Variants in ANKRD28 observed in about 807,000 individuals in gnomAD.
ANKRD28 encodes the protein serine/threonine-protein phosphatase 6 regulatory ankyrin repeat subunit A.
In ANKRD28, 44 loss-of-function variants were observed where a neutral mutation model predicts 126.5. The observed-to-expected ratio is 0.35, with a 90% confidence interval of 0.27 to 0.45. The LOEUF (loss-of-function observed/expected upper bound fraction) is 0.45, where lower values mean the gene tolerates loss of function less well. ANKRD28 is among the 20% of genes least tolerant of loss of function. The probability of loss-of-function intolerance (pLI) is 1.00; values close to 1 mark genes in which losing one functional copy is unlikely to be tolerated. For synonymous variants in ANKRD28, 442 were observed against 468.5 expected (o/e 0.94, Z 0.73); for missense variants, 1,110 against 1,316.6 (o/e 0.84, Z 2.43).
Position 15,787,295 on chromosome 3 carries a change from G to C in ANKRD28, c.201+7928C>G, listed in dbSNP as rs547203637. ...AGTGGATAATACCTTCTTTGTTTCAGGACCATCAGAGTAATCATTTAGTCA... is the reference window on the plus strand; with the variant it reads ...AGTGGATAATACCTTCTTTGTTTCACGACCATCAGAGTAATCATTTAGTCA... On this transcript the variant is annotated intron_variant, in intron 2 of 27. Transcript: ENST00000683139. Among the ~76,000 whole-genome samples, 8 of 152,238 alleles carry C rather than the reference G, an allele frequency of 5.3e-5. No individual in the cohort carries two copies. In the South Asian group the frequency reaches 1.7e-3, roughly 31 times the overall value.
chr3:15,765,237 A>G (rs2058684366), intron 3 of ANKRD28, among the ~76,000 whole-genome samples: 1 of 152,180 alleles, frequency 6.6e-6, no homozygotes, highest in Admixed American at 6.5e-5. Context: ...GTCTGACCAC[A>G]ATAGGAGCTA....
rs1019044136 is a variant in ANKRD28, at chr3:15,838,328, T to A, written c.27+21049A>T. Among the ~76,000 whole-genome samples, 12 of 152,224 alleles carry A rather than the reference T, an allele frequency of 7.9e-5. No homozygotes were observed. The highest frequency in any genetic ancestry group is 4.1e-4 in the South Asian group (2 of 4,834). ...ATATCACACGAATAGAGATTTTTTTTAATCCTAACAAAATATCAGCAAACC... is the reference window on the plus strand; with the variant it reads ...ATATCACACGAATAGAGATTTTTTTAAATCCTAACAAAATATCAGCAAACC... On this transcript the variant is annotated intron_variant, in intron 1 of 27. Transcript: ENST00000399451. This position sits in a 1 kb window ranked among gnomAD's most constrained non-coding sequence, Gnocchi z 4.0.
chr3:15,748,347 G>A (rs1035751458), intron 4 of ANKRD28, among the ~76,000 whole-genome samples: 6 of 152,092 alleles, frequency 3.9e-5, no homozygotes, highest in African/African-American at 1.2e-4. Context: ...TTCTTTCAAG[G>A]TTTAGAGCTC....
At chr3:15,778,312 T>A (rs1405403349) in intron 2 of ANKRD28, among the ~76,000 whole-genome samples, 3 of 152,132 alleles carry the variant, frequency 2.0e-5, no homozygotes, top group Non-Finnish European at 4.4e-5. Context: ...TAGTTCACAG[T>A]TTTAAGGGCA....
intron 3 of ANKRD28, chr3:15,756,436 G>A (rs1355010856): frequency 8.8e-6 from 8 of 907,846 alleles, no homozygotes; most frequent in East Asian, 1.2e-4. Context: ...CTAGCTATTC[G>A]GAAATAAAAC....
At chr3:15,831,244 A>G (rs2061182587) in intron 1 of ANKRD28, among the ~76,000 whole-genome samples, 1 of 152,218 alleles carries the variant, frequency 6.6e-6, no homozygotes, top group Admixed American at 6.5e-5. Flanking sequence ...CAAACTCCTG[A>G]GTATATATAA....
chr3:15,686,475 T>G (rs1465542964), intron 18 of ANKRD28, 166 bp from the exon 19 acceptor site: 1 of 623,382 alleles, frequency 1.6e-6, no homozygotes, highest in Non-Finnish European at 2.8e-6. Context: ...GGCCTTTGAC[T>G]GTTAAAGCTG....
At position 15,797,576 on chromosome 3, in the gene ANKRD28, GGA is replaced by G; in HGVS notation, c.-1057_-1056del. The G allele has an allele frequency of 1.0e-6, 1 of 984,796 alleles. No homozygotes were observed. Among genetic ancestry groups the G allele is most frequent in the African/African-American group, 1.7e-5 (1 of 57,230 alleles). 61.0% of individuals were successfully genotyped at this position (984,796 alleles called of 1,614,324 possible). A position where few individuals can be genotyped will look rare whatever the true frequency, so the allele number is the denominator to read the frequency against. ...TTTTCTTTAAAAAAAAAAAGGGGGG[GGA>G]AAAACATAGTAGTGTATCATTCCAG... On this transcript the variant is annotated 5_prime_UTR_variant, in exon 1 of 28. An upstream open reading frame in the 5' UTR loses its in-frame stop. Transcript: ENST00000683139.
At chr3:15,708,089 A>C (rs1233058616) in intron 13 of ANKRD28, 25 bp from the exon 14 acceptor site, 2 of 1,579,810 alleles carry the variant, frequency 1.3e-6, no homozygotes, top group East Asian at 4.6e-5. Flanking sequence ...TTAATACAAG[A>C]AAGATAAAAG....
At chr3:15,718,267 T>C (rs1000515674) in intron 8 of ANKRD28, among the ~76,000 whole-genome samples, 5 of 152,336 alleles carry the variant, frequency 3.3e-5, no homozygotes, top group Middle Eastern at 3.4e-3. Flanking sequence ...TGAGATGTCA[T>C]ACACCCTTAG....
chr3:15,675,194 C>A (rs1481028958), intron 27 of ANKRD28, among the ~76,000 whole-genome samples: 1 of 152,098 alleles, frequency 6.6e-6, no homozygotes, highest in Non-Finnish European at 1.5e-5. Flanking sequence ...TCGCTTGAAC[C>A]CAGGAGGCGG....
In ANKRD28 at chr3:15,833,191, G is replaced by C. The variant is rs893304611; in HGVS notation, c.27+26186C>G. The stretch of plus-strand genomic sequence containing the variant: ...CCAAAGGAGATTAACATTTAAGTCA[G>C]TGGGCTGGGAAAGGCGGATCTACCC... On this transcript the variant is annotated intron_variant, in intron 1 of 27. Transcript: ENST00000399451. This position sits in a 1 kb window ranked among gnomAD's most constrained non-coding sequence, Gnocchi z 4.4. Among the ~76,000 whole-genome samples, 18 of 152,154 alleles carry C rather than the reference G, an allele frequency of 1.2e-4. No homozygotes were observed. Among genetic ancestry groups the C allele is most frequent in the Non-Finnish European group, 2.5e-4 (17 of 68,028 alleles).
In ANKRD28 at chr3:15,771,015, G is replaced by C. The variant is rs112830112; in HGVS notation, c.202-4703C>G. ...AGCATGCAACAAAAGGATGAACATT[G>C]TATCAGTCTGTTTTGCACTGCTACA... On this transcript the variant is annotated intron_variant, in intron 2 of 27. Transcript: ENST00000683139. Among the ~76,000 whole-genome samples the C allele has an allele frequency of 2.1e-3, 319 of 152,234 alleles. 2 individuals carry two copies. The highest frequency in any genetic ancestry group is 0.01 in the Middle Eastern group (3 of 294).
chr3:15,782,034 C>T (rs922780602), intron 2 of ANKRD28, among the ~76,000 whole-genome samples: 5 of 152,190 alleles, frequency 3.3e-5, no homozygotes, highest in East Asian at 1.9e-4. Flanking sequence ...TTTTCCTAAT[C>T]ATTCCCCATG....
chr3:15,854,444 C>T lies in ANKRD28; in HGVS notation c.27+4933G>A, dbSNP rs2061718573. 1.3e-5 allele frequency among the ~76,000 whole-genome samples: 2 copies of T among 152,232 alleles called. No homozygotes were observed. The highest frequency in any genetic ancestry group is 2.1e-4 in the South Asian group (1 of 4,830). ...CCCCTGCCATGAGGGTTTCCCTCCACTTACAATCAGATTATCTGATCCTTT... is the reference window on the plus strand; with the variant it reads ...CCCCTGCCATGAGGGTTTCCCTCCATTTACAATCAGATTATCTGATCCTTT... On this transcript the variant is annotated intron_variant, in intron 1 of 27. Transcript: ENST00000399451. The surrounding 1 kb of genome is among the most constrained non-coding windows in gnomAD (Gnocchi z 4.1).
chr3:15,757,803 C>T (rs2058246369), intron 3 of ANKRD28, among the ~76,000 whole-genome samples: 1 of 152,170 alleles, frequency 6.6e-6, no homozygotes, highest in Admixed American at 6.5e-5. Flanking sequence ...ACTAAGACAC[C>T]TCACTCTAAC....
At chr3:15,748,576 G>A (rs935063158) in intron 4 of ANKRD28, among the ~76,000 whole-genome samples, 3 of 152,184 alleles carry the variant, frequency 2.0e-5, no homozygotes, top group Admixed American at 6.5e-5. Flanking sequence ...AATCTGATAG[G>A]TGTTCCTTTA....
At chr3:15,769,890 T>A (rs1292100693) in intron 2 of ANKRD28, among the ~76,000 whole-genome samples, 3 of 152,126 alleles carry the variant, frequency 2.0e-5, no homozygotes, top group Non-Finnish European at 4.4e-5. Flanking sequence ...TAAGATTATT[T>A]CTTAAGGGTC....
chr3:15,760,650 A>G (rs1427183176), intron 3 of ANKRD28, among the ~76,000 whole-genome samples: 1 of 152,218 alleles, frequency 6.6e-6, no homozygotes, highest in Non-Finnish European at 1.5e-5. Context: ...AGTTCTGAAG[A>G]GGAGACCTCA....
Sources: allele counts gnomAD v4.1 joint callset (sites outside exome capture counted in the v4.1 genomes callset), GRCh38; gene constraint gnomAD v4.1.1; non-coding constraint Gnocchi (gnomAD v3.1); transcripts MANE v1.5; gene names NCBI Gene and HGNC (gene_info 2026-07-23, HGNC 2026-07-21).